SMYD3: variants seen among roughly 807,000 people sequenced by gnomAD.
SMYD3 encodes histone-lysine N-methyltransferase SMYD3.
Under a neutral mutation model 57.7 loss-of-function variants are expected in SMYD3, and 36 were observed. The ratio of observed to expected loss-of-function variants is 0.62; its 90% CI spans 0.48 to 0.82. The LOEUF (loss-of-function observed/expected upper bound fraction) is 0.82. Among genes scored for constraint, SMYD3 ranks in the 40% least tolerant of loss-of-function variants. SMYD3 has a pLI of 0.00. For missense variants in SMYD3, 515 were observed against 538.8 expected (o/e 0.96, Z 0.44); for synonymous variants, 211 against 195.0 (o/e 1.08, Z -0.68).
At chr1:246,323,690 TGATA>T (rs1277296830) in intron 5 of SMYD3, among the ~76,000 whole-genome samples, 3 of 152,162 alleles carry the variant, frequency 2.0e-5, no homozygotes, top group African/African-American at 2.4e-5. Context: ...TTTTCTGCCT[TGATA>T]GATAATTTTG....
intron 1 of SMYD3, among the ~76,000 whole-genome samples, chr1:246,359,303 G>T (rs769478448): frequency 6.6e-6 from 1 of 152,034 alleles, no homozygotes; most frequent in African/African-American, 2.4e-5. Context: ...CAAGCAGCAA[G>T]ACTGAAATAG....
At chr1:246,097,340 T>C (rs1043445005) in intron 5 of SMYD3, among the ~76,000 whole-genome samples, 9 of 152,248 alleles carry the variant, frequency 5.9e-5, no homozygotes, top group African/African-American at 1.9e-4. Context: ...TTCAACCGTC[T>C]GAAGGGATAG....
At chr1:246,003,539 C>G (rs1320240082) in intron 5 of SMYD3, among the ~76,000 whole-genome samples, 1 of 152,118 alleles carries the variant, frequency 6.6e-6, no homozygotes, top group Non-Finnish European at 1.5e-5. Context: ...CTGAAAGATT[C>G]CCTCCCCATT....
chr1:246,043,802 C>T (rs1232364537), intron 5 of SMYD3, among the ~76,000 whole-genome samples: 1 of 152,224 alleles, frequency 6.6e-6, no homozygotes, highest in Non-Finnish European at 1.5e-5. Context: ...AAAGCTCTCA[C>T]AGCGTGCCTT....
intron 1 of SMYD3, among the ~76,000 whole-genome samples, chr1:246,403,472 T>A (rs1286623799): frequency 1.3e-5 from 2 of 152,106 alleles, no homozygotes; most frequent in Non-Finnish European, 2.9e-5. Flanking sequence ...CCAAGAAAAA[T>A]ATATCCCAGT....
chr1:246,286,406 T>C (rs546524266), intron 5 of SMYD3, among the ~76,000 whole-genome samples: 1 of 152,248 alleles, frequency 6.6e-6, no homozygotes, highest in South Asian at 2.1e-4. Flanking sequence ...AAAACAAATA[T>C]TTTCCACTGT....
At chr1:246,000,235 C>T (rs1258036043) in intron 5 of SMYD3, among the ~76,000 whole-genome samples, 1 of 152,144 alleles carries the variant, frequency 6.6e-6, no homozygotes, top group Non-Finnish European at 1.5e-5. Context: ...TGTGCCCCAC[C>T]CTCTTTCTTA....
chr1:245,834,618 A>C (rs2050013540), intron 10 of SMYD3, among the ~76,000 whole-genome samples: 1 of 152,170 alleles, frequency 6.6e-6, no homozygotes, highest in African/African-American at 2.4e-5. Flanking sequence ...AGCAAATTAT[A>C]ATAGACATCC....
At chr1:246,069,583 G>C (rs996744275) in intron 5 of SMYD3, among the ~76,000 whole-genome samples, 1 of 152,208 alleles carries the variant, frequency 6.6e-6, no homozygotes, top group Admixed American at 6.5e-5. Flanking sequence ...AAGCCGAACT[G>C]ATAAACACAA....
intron 1 of SMYD3, among the ~76,000 whole-genome samples, chr1:246,502,834 A>G (rs2068477976): frequency 6.6e-6 from 1 of 152,128 alleles, no homozygotes. Context: ...CCTGACATTC[A>G]GTCTATAGTC....
chr1:245,814,822 G>A (rs954181895), intron 10 of SMYD3, among the ~76,000 whole-genome samples: 3 of 149,788 alleles, frequency 2.0e-5, no homozygotes, highest in Admixed American at 6.7e-5. Flanking sequence ...ACACACACAC[G>A]CACGCACACA....
chr1:246,162,426 C>G (rs1280688759), intron 5 of SMYD3, among the ~76,000 whole-genome samples: 4 of 152,178 alleles, frequency 2.6e-5, no homozygotes, highest in African/African-American at 9.7e-5. Flanking sequence ...GCCAACTGAT[C>G]TGAACTCTAC....
intron 5 of SMYD3, among the ~76,000 whole-genome samples, chr1:246,226,837 G>A (rs1161441545): frequency 6.6e-6 from 1 of 152,188 alleles, no homozygotes; most frequent in African/African-American, 2.4e-5. Flanking sequence ...TTCTATGAAA[G>A]ATATTAAAAC....
At chr1:246,436,867 G>C (rs184884458) in intron 1 of SMYD3, among the ~76,000 whole-genome samples, 2 of 150,732 alleles carry the variant, frequency 1.3e-5, no homozygotes, top group African/African-American at 4.9e-5. Context: ...GGAAAAGGAC[G>C]ATAGGGAATA....
chr1:246,073,218 T>C (rs369689215), intron 5 of SMYD3, among the ~76,000 whole-genome samples: 3 of 152,230 alleles, frequency 2.0e-5, no homozygotes, highest in Non-Finnish European at 4.4e-5. Context: ...TGTGTGTTGA[T>C]GCTTGCAAAG....
chr1:246,010,118 A>G (rs988664190), intron 5 of SMYD3, among the ~76,000 whole-genome samples: 5 of 148,966 alleles, frequency 3.4e-5, no homozygotes, highest in Admixed American at 6.7e-5. Context: ...AACAAAAACA[A>G]AAAAACAACA....
At chr1:245,883,742 A>C (rs1322828454) in intron 8 of SMYD3, among the ~76,000 whole-genome samples, 2 of 152,160 alleles carry the variant, frequency 1.3e-5, no homozygotes, top group Non-Finnish European at 2.9e-5. Context: ...AAATCTAGCG[A>C]GATGAATCCT....
chr1:246,383,499 T>C (rs995109167), intron 1 of SMYD3, among the ~76,000 whole-genome samples: 3 of 152,056 alleles, frequency 2.0e-5, no homozygotes, highest in Non-Finnish European at 4.4e-5. Flanking sequence ...TGGTCTAATA[T>C]ACAACAACAA....
intron 5 of SMYD3, among the ~76,000 whole-genome samples, chr1:245,967,338 T>G (rs1190543325): frequency 2.0e-5 from 3 of 152,222 alleles, no homozygotes; most frequent in Non-Finnish European, 2.9e-5. Context: ...ACTTACCAGA[T>G]AAGTTGAAAA....
Sources: gnomAD v4.1 joint callset for allele counts (sites outside exome capture counted in the v4.1 genomes callset) on GRCh38, gnomAD v4.1.1 for gene constraint, MANE v1.5 for transcripts, NCBI Gene and HGNC (gene_info 2026-07-23, HGNC 2026-07-21) for gene names.